GMDS: variants seen among roughly 807,000 people sequenced by gnomAD.
The protein encoded by GMDS is GDP-mannose 4,6-dehydratase, also known as GDP-mannose 4,6 dehydratase.
In GMDS, 20 loss-of-function variants were observed where a neutral mutation model predicts 49.9. That is an observed-to-expected ratio of 0.40 (90% CI 0.28 to 0.58). The LOEUF (loss-of-function observed/expected upper bound fraction) is 0.58, where lower values mean the gene tolerates loss of function less well. Ranked by LOEUF, GMDS falls within the 20% of genes least tolerant of loss-of-function variation. The probability of loss-of-function intolerance (pLI) is 0.42; values close to 1 mark genes in which losing one functional copy is unlikely to be tolerated. For synonymous variants in GMDS, 177 were observed against 178.6 expected, an observed-to-expected ratio of 0.99 and a Z score of 0.07; for missense variants, 362 against 481.4, an observed-to-expected ratio of 0.75 and a Z score of 2.32.
rs183759709 is a variant in GMDS at position 2,089,785 on chromosome 6, G to A, written c.345+25986C>T. Among the ~76,000 whole-genome samples the A allele has an allele frequency of 1.6e-4, 25 of 152,318 alleles. No homozygotes were observed. The East Asian group carries it at 4.6e-3, about 28-fold the overall frequency. On this transcript the variant is annotated intron_variant, in intron 4 of 10. Transcript: ENST00000380815. ...TAAAATGTTCTGGACTACCCAAGCA[G>A]TACGTCTTTGGATTACAGTATGCTT...
intron 9 of GMDS, among the ~76,000 whole-genome samples, chr6:1,709,629 A>T (rs1765876817): frequency 6.6e-6 from 1 of 152,194 alleles, no homozygotes; most frequent in Non-Finnish European, 1.5e-5. Context: ...AGAAGTGGAC[A>T]AGTAACGTGG....
chr6:2,093,588 T>A (rs1404303549), intron 4 of GMDS, among the ~76,000 whole-genome samples: 1 of 152,052 alleles, frequency 6.6e-6, no homozygotes, highest in African/African-American at 2.4e-5. Context: ...AAATATGAGG[T>A]TAAAAATCAT....
At chr6:2,159,510 TTTTC>T (rs1212796200) in intron 1 of GMDS, among the ~76,000 whole-genome samples, 3 of 148,324 alleles carry the variant, frequency 2.0e-5, no homozygotes, top group South Asian at 2.1e-4. Context: ...ATATTTCTTT[TTTTC>T]TTTTTTTTTT....
At chr6:2,011,139 G>A (rs1169147543) in intron 4 of GMDS, among the ~76,000 whole-genome samples, 1 of 152,022 alleles carries the variant, frequency 6.6e-6, no homozygotes, top group Non-Finnish European at 1.5e-5. Flanking sequence ...CTCAGCAAAG[G>A]ACATGAACAG....
At chr6:1,626,645 A>G (rs1399983750) in intron 9 of GMDS, among the ~76,000 whole-genome samples, 1 of 152,210 alleles carries the variant, frequency 6.6e-6, no homozygotes, top group Non-Finnish European at 1.5e-5. Context: ...TTGTTTAATC[A>G]CATCACACTG....
At chr6:2,241,604 A>ATTAG (rs1781616462) in intron 1 of GMDS, among the ~76,000 whole-genome samples, 1 of 151,886 alleles carries the variant, frequency 6.6e-6, no homozygotes, top group Non-Finnish European at 1.5e-5. Flanking sequence ...GTGACTCCTC[A>ATTAG]CTCTATTAGC....
chr6:1,890,512 C>T (rs1712228357), intron 7 of GMDS, among the ~76,000 whole-genome samples: 2 of 151,968 alleles, frequency 1.3e-5, no homozygotes, highest in African/African-American at 4.8e-5. Context: ...TGTTTTCTCC[C>T]ATTTGGTAGG....
intron 7 of GMDS, among the ~76,000 whole-genome samples, chr6:1,807,068 G>C (rs1770207220): frequency 6.6e-6 from 1 of 151,896 alleles, no homozygotes; most frequent in South Asian, 2.1e-4. Flanking sequence ...TTTGAGACAG[G>C]GTCTTGCTGT....
At position 2,069,729 on chromosome 6, in the gene GMDS, C is replaced by T. The variant is rs1771861764; in HGVS notation, c.345+46042G>A. ...AAAACCACAATGAGATACCATCTCA[C>T]ACCAGTTAGAATGGCAATCATTAAA... On this transcript the variant is annotated intron_variant, in intron 4 of 10. Transcript: ENST00000380815. Among the ~76,000 whole-genome samples, 4 of 152,242 alleles carry T rather than the reference C, an allele frequency of 2.6e-5. No homozygotes were observed. In the South Asian group the frequency reaches 8.3e-4, roughly 32 times the overall value.
chr6:1,919,710 T>C (rs1581362499), intron 7 of GMDS, among the ~76,000 whole-genome samples: 1 of 152,338 alleles, frequency 6.6e-6, no homozygotes, highest in East Asian at 1.9e-4. Flanking sequence ...CAATAAGGCA[T>C]AGAGTAGAAG....
intron 7 of GMDS, among the ~76,000 whole-genome samples, chr6:1,925,531 G>T (rs1339021739): frequency 6.6e-6 from 1 of 152,152 alleles, no homozygotes; most frequent in Non-Finnish European, 1.5e-5. Flanking sequence ...AAAACAGCTT[G>T]TCTAAGCTGA....
At chr6:2,074,201 A>G (rs80027489) in intron 4 of GMDS, among the ~76,000 whole-genome samples, 4,267 of 152,250 alleles carry the variant, frequency 0.028, 74 homozygotes, top group Middle Eastern at 0.051. Flanking sequence ...CTTTTTAATG[A>G]TAACCATTCT....
intron 9 of GMDS, among the ~76,000 whole-genome samples, chr6:1,627,037 T>C (rs1449383760): frequency 6.6e-6 from 1 of 152,210 alleles, no homozygotes; most frequent in Non-Finnish European, 1.5e-5. Context: ...GAAATTTAAT[T>C]AGACCAAGAG....
intron 4 of GMDS, among the ~76,000 whole-genome samples, chr6:1,996,027 A>G (rs2127371377): frequency 6.6e-6 from 1 of 152,198 alleles, no homozygotes; most frequent in South Asian, 2.1e-4. Flanking sequence ...TCCCTGAGGG[A>G]GGGAGAAACA....
intron 7 of GMDS, among the ~76,000 whole-genome samples, chr6:1,780,460 G>C (rs1343982832): frequency 6.6e-6 from 1 of 152,184 alleles, no homozygotes; most frequent in Non-Finnish European, 1.5e-5. Context: ...TCCTGAGAGC[G>C]CTTCCTCTGC....
intron 7 of GMDS, among the ~76,000 whole-genome samples, chr6:1,782,452 T>C (rs1056375141): frequency 4.6e-5 from 7 of 152,228 alleles, no homozygotes; most frequent in Non-Finnish European, 7.3e-5. Context: ...CTGTAATCTT[T>C]TAATAATATC....
At chr6:2,005,495 A>G (rs139499148) in intron 4 of GMDS, among the ~76,000 whole-genome samples, 38 of 152,274 alleles carry the variant, frequency 2.5e-4, no homozygotes, top group African/African-American at 9.1e-4. Flanking sequence ...TGTAAAATCT[A>G]CTTTAACAGT....
chr6:1,963,657 G>A (rs927383373), intron 4 of GMDS, among the ~76,000 whole-genome samples: 1 of 152,052 alleles, frequency 6.6e-6, no homozygotes, highest in African/African-American at 2.4e-5. Context: ...CTGTTGAATG[G>A]TTTTTGCACT....
chr6:2,146,800 C>T (rs1344417562), intron 1 of GMDS, among the ~76,000 whole-genome samples: 1 of 152,008 alleles, frequency 6.6e-6, no homozygotes, highest in Non-Finnish European at 1.5e-5. Flanking sequence ...AGAGTGCCTT[C>T]TACTACAATA....
Sources: gnomAD v4.1 joint callset for allele counts (sites outside exome capture counted in the v4.1 genomes callset) on GRCh38, gnomAD v4.1.1 for gene constraint, MANE v1.5 for transcripts, NCBI Gene and HGNC (gene_info 2026-07-23, HGNC 2026-07-21) for gene names.